The following RBFOX1 variants were observed in gnomAD, a reference collection of about 807,000 sequenced individuals.
RBFOX1 encodes the protein RNA binding fox-1 homolog 1.
In RBFOX1, 8 loss-of-function variants were observed where a neutral mutation model predicts 57.7. That is an observed-to-expected ratio of 0.14 (90% CI 0.08 to 0.25). The LOEUF (loss-of-function observed/expected upper bound fraction) is 0.25. Ranked by LOEUF, RBFOX1 falls within the 10% of genes least tolerant of loss-of-function variation. The pLI is 1.00. For missense variants in RBFOX1, 611 were observed against 548.5 expected, an observed-to-expected ratio of 1.11 and a Z score of -1.14; for synonymous variants, 326 against 222.4, an observed-to-expected ratio of 1.47 and a Z score of -4.15.
chr16:6,757,416 T>C (rs533673630), intron 3 of RBFOX1, among the ~76,000 whole-genome samples: 2 of 152,204 alleles, frequency 1.3e-5, no homozygotes, highest in Non-Finnish European at 2.9e-5. Context: ...AAGAGACGAT[T>C]AGATTAAAAA....
At chr16:7,479,274 C>T (rs868268349) in intron 4 of RBFOX1, among the ~76,000 whole-genome samples, 1 of 151,934 alleles carries the variant, frequency 6.6e-6, no homozygotes, top group Non-Finnish European at 1.5e-5. Context: ...CAGGCATGCA[C>T]CACCACACTG....
intron 4 of RBFOX1, among the ~76,000 whole-genome samples, chr16:7,260,835 C>T (rs1021780565): frequency 1.3e-5 from 2 of 152,084 alleles, no homozygotes; most frequent in Non-Finnish European, 2.9e-5. Context: ...TCTATGAACC[C>T]CAGGTGCAAG....
chr16:7,374,219 C>G (rs757970339), intron 4 of RBFOX1, among the ~76,000 whole-genome samples: 1 of 152,098 alleles, frequency 6.6e-6, no homozygotes, highest in Non-Finnish European at 1.5e-5. Context: ...AATATGGGGT[C>G]AAATATTTAC....
chr16:6,135,455 AT>A (rs2096659551), intron 1 of RBFOX1, among the ~76,000 whole-genome samples: 1 of 152,150 alleles, frequency 6.6e-6, no homozygotes, highest in Non-Finnish European at 1.5e-5. Context: ...AGTGTATAAA[AT>A]TTTGCCACTT....
At chr16:5,419,148 C>G (rs1242923638) in intron 1 of RBFOX1, among the ~76,000 whole-genome samples, 1 of 152,082 alleles carries the variant, frequency 6.6e-6, no homozygotes. Flanking sequence ...GGGATGGTCT[C>G]TGTATTAGGG....
chr16:6,329,103 A>G (rs1224833602), intron 2 of RBFOX1, among the ~76,000 whole-genome samples: 1 of 152,150 alleles, frequency 6.6e-6, no homozygotes, highest in East Asian at 1.9e-4. Flanking sequence ...TTCAAAACTC[A>G]TACTCATAAT....
At chr16:6,592,908 A>T (rs2097732065) in intron 2 of RBFOX1, among the ~76,000 whole-genome samples, 1 of 152,088 alleles carries the variant, frequency 6.6e-6, no homozygotes, top group Non-Finnish European at 1.5e-5. Context: ...AGTGGAGATC[A>T]TTGGCTGGGC....
chr16:7,089,083 G>T (rs1453622420), intron 4 of RBFOX1, among the ~76,000 whole-genome samples: 2 of 152,058 alleles, frequency 1.3e-5, no homozygotes, highest in Admixed American at 6.5e-5. Context: ...TTACACCCTT[G>T]CCCCCTTTCT....
At chr16:5,522,550 T>A (rs2044062455) in intron 2 of RBFOX1, among the ~76,000 whole-genome samples, 1 of 152,242 alleles carries the variant, frequency 6.6e-6, no homozygotes, top group African/African-American at 2.4e-5. Flanking sequence ...TGGAAAATGT[T>A]CAAATCCTCT....
chr16:6,775,507 C>T (rs904548866), intron 3 of RBFOX1, among the ~76,000 whole-genome samples: 2 of 151,880 alleles, frequency 1.3e-5, no homozygotes, highest in Admixed American at 6.6e-5. Context: ...TCAAATAAAT[C>T]AGATGCAACC....
intron 4 of RBFOX1, among the ~76,000 whole-genome samples, chr16:7,062,123 C>G (rs901569226): frequency 3.3e-5 from 5 of 151,942 alleles, no homozygotes; most frequent in East Asian, 1.9e-4. Flanking sequence ...CGAGACTATC[C>G]TGGCTAACAC....
intron 4 of RBFOX1, among the ~76,000 whole-genome samples, chr16:7,220,277 C>G (rs1053369290): frequency 2.0e-5 from 3 of 152,182 alleles, no homozygotes; most frequent in Non-Finnish European, 4.4e-5. Context: ...TCTGGTCCTG[C>G]CCATTTTTCC....
At chr16:7,376,244 C>T (rs763827017) in intron 4 of RBFOX1, among the ~76,000 whole-genome samples, 1 of 152,170 alleles carries the variant, frequency 6.6e-6, no homozygotes, top group Non-Finnish European at 1.5e-5. Flanking sequence ...TTCTGATAAA[C>T]AGGGCATTAT....
intron 3 of RBFOX1, among the ~76,000 whole-genome samples, chr16:6,875,268 C>A (rs921793492): frequency 6.6e-6 from 1 of 152,174 alleles, no homozygotes; most frequent in Non-Finnish European, 1.5e-5. Flanking sequence ...GAAGACTCTT[C>A]GGTTGTCTAA....
At chr16:5,777,066 C>T (rs2151693733) in intron 3 of RBFOX1, among the ~76,000 whole-genome samples, 1 of 152,344 alleles carries the variant, frequency 6.6e-6, no homozygotes, top group African/African-American at 2.4e-5. Context: ...GCCCTGACGT[C>T]ATCCATTGCT....
intron 3 of RBFOX1, among the ~76,000 whole-genome samples, chr16:6,773,017 T>TGA (rs1555454930): frequency 1.3e-4 from 17 of 131,198 alleles, no homozygotes; most frequent in African/African-American, 4.8e-4. Context: ...TGTGTGTGTG[T>TGA]GATTGTATTT....
rs138743929 is a variant in RBFOX1 at position 6,643,052 on chromosome 16, C to T, written c.-63-11551C>T. On this transcript the variant is annotated intron_variant, in intron 2 of 15. Coordinates refer to ENST00000550418, the MANE Select transcript of RBFOX1 (RefSeq NM_018723.4). The stretch of plus-strand genomic sequence containing the variant: ...TCTTTGCCCTGAAGCATCTCTGCCA[C>T]GCTGAACCTTCTTAAACACATATTA... Among the ~76,000 whole-genome samples, 533 of 152,276 alleles carry T rather than the reference C, an allele frequency of 3.5e-3. 3 individuals are homozygous for T. The highest frequency in any genetic ancestry group is 0.012 in the African/African-American group (488 of 41,548).
At chr16:5,721,112 T>C (rs2051914809) in intron 3 of RBFOX1, among the ~76,000 whole-genome samples, 2 of 152,230 alleles carry the variant, frequency 1.3e-5, no homozygotes, top group Non-Finnish European at 2.9e-5. Flanking sequence ...GATCAATATT[T>C]AATAGTTTTC....
intron 1 of RBFOX1, among the ~76,000 whole-genome samples, chr16:6,271,247 A>T (rs2075176272): frequency 6.6e-6 from 1 of 152,148 alleles, no homozygotes. Flanking sequence ...AACATGGTGA[A>T]ACCCCATACC....
Sources: gnomAD v4.1 joint callset for allele counts (sites outside exome capture counted in the v4.1 genomes callset) on GRCh38, gnomAD v4.1.1 for gene constraint, MANE v1.5 for transcripts, NCBI Gene and HGNC (gene_info 2026-07-23, HGNC 2026-07-21) for gene names.